EHBP1: variants seen among roughly 807,000 people sequenced by gnomAD.
The protein encoded by EHBP1 is EH domain binding protein 1.
A neutral mutation model predicts 144.0 loss-of-function variants in EHBP1; 55 were observed. The observed-to-expected ratio is 0.38, with a 90% CI of 0.31 to 0.48. The LOEUF (loss-of-function observed/expected upper bound fraction) is 0.48. EHBP1 is among the 20% of genes least tolerant of loss of function. The pLI is 0.98. For synonymous variants in EHBP1, 469 were observed against 472.7 expected (o/e 0.99, Z 0.10); for missense variants, 1,200 against 1,364.2 (o/e 0.88, Z 1.90).
chr2:62,695,838 A>G (rs1235809845), intron 1 of EHBP1, among the ~76,000 whole-genome samples: 7 of 152,002 alleles, frequency 4.6e-5, no homozygotes, highest in South Asian at 4.1e-4. Context: ...CCAGCCTTCC[A>G]AGTAGCTGGG....
At chr2:62,804,238 A>G (rs755640458) in intron 5 of EHBP1, among the ~76,000 whole-genome samples, 21 of 152,214 alleles carry the variant, frequency 1.4e-4, no homozygotes, top group Non-Finnish European at 2.8e-4. Flanking sequence ...CAGTGCTGCA[A>G]AGAGCTTTGC....
chr2:63,035,583 T>G (rs576093422), intron 19 of EHBP1, among the ~76,000 whole-genome samples: 1 of 152,154 alleles, frequency 6.6e-6, no homozygotes, highest in South Asian at 2.1e-4. Flanking sequence ...AAACCTCAAA[T>G]TATAGGTTAA....
At chr2:62,751,246 T>G (rs914444250) in intron 3 of EHBP1, among the ~76,000 whole-genome samples, 3 of 152,232 alleles carry the variant, frequency 2.0e-5, no homozygotes, top group African/African-American at 7.2e-5. Flanking sequence ...GATAATCATG[T>G]GGTTTTTGTC....
intron 21 of EHBP1, among the ~76,000 whole-genome samples, chr2:63,039,308 TA>T (rs199563465): frequency 0.021 from 3,207 of 152,312 alleles, 48 homozygotes; most frequent in Admixed American, 0.038. Flanking sequence ...GCATAAAAGA[TA>T]AATGAAACAG....
At position 62,790,783 on chromosome 2, in the gene EHBP1, T is replaced by A. The variant is rs577003164; in HGVS notation, c.312+19391T>A. On this transcript the variant is annotated intron_variant, in intron 5 of 22. Coordinates refer to ENST00000431489, the MANE Select transcript of EHBP1 (RefSeq NM_001142616.3). ...GTACCCATCAATGAAATATCCTGTT[T>A]TGTAGATGTTAGTGTTTATACCATT... Among the ~76,000 whole-genome samples the A allele has an allele frequency of 3.3e-5, 5 of 152,234 alleles. No individual in the cohort carries two copies. The South Asian group carries it at 1.0e-3, about 32-fold the overall frequency.
At chr2:62,725,562 T>C (rs186145844) in intron 2 of EHBP1, among the ~76,000 whole-genome samples, 1 of 152,242 alleles carries the variant, frequency 6.6e-6, no homozygotes, top group African/African-American at 2.4e-5. Flanking sequence ...AGTCTGCTGT[T>C]TTCTGCCTGG....
chr2:62,845,428 G>A (rs1205985206), intron 7 of EHBP1, among the ~76,000 whole-genome samples: 1 of 152,186 alleles, frequency 6.6e-6, no homozygotes, highest in African/African-American at 2.4e-5. Flanking sequence ...TAACAGCACA[G>A]ATGGTAGTAG....
chr2:62,934,412 A>G (rs192119086), intron 10 of EHBP1, among the ~76,000 whole-genome samples: 6 of 152,234 alleles, frequency 3.9e-5, no homozygotes, highest in Admixed American at 1.3e-4. Context: ...TTTCCTATTG[A>G]TTAACTTTCC....
intron 20 of EHBP1, among the ~76,000 whole-genome samples, chr2:63,038,027 A>C (rs2061514693): frequency 1.3e-5 from 2 of 152,148 alleles, no homozygotes; most frequent in African/African-American, 4.8e-5. Flanking sequence ...TTATAGTCTC[A>C]GGTGATGTTA....
intron 1 of EHBP1, among the ~76,000 whole-genome samples, chr2:62,686,164 AGT>A (rs1227829611): frequency 6.6e-6 from 1 of 152,178 alleles, no homozygotes; most frequent in African/African-American, 2.4e-5. Context: ...CCACTTGCCC[AGT>A]GTGAGTGAGG....
At chr2:62,790,707 G>A (rs985222423) in intron 5 of EHBP1, among the ~76,000 whole-genome samples, 3 of 152,038 alleles carry the variant, frequency 2.0e-5, no homozygotes, top group African/African-American at 7.2e-5. Context: ...TAATTCTCTT[G>A]TTACTTTATA....
chr2:62,780,133 G>T (rs1196846265), intron 5 of EHBP1, among the ~76,000 whole-genome samples: 1 of 151,704 alleles, frequency 6.6e-6, no homozygotes, highest in East Asian at 1.9e-4. Flanking sequence ...GACCTGTTAG[G>T]CTGCACATTC....
chr2:62,907,980 A>ATTC (rs2053932526), intron 10 of EHBP1, among the ~76,000 whole-genome samples: 1 of 152,192 alleles, frequency 6.6e-6, no homozygotes, highest in Non-Finnish European at 1.5e-5. Flanking sequence ...GTCACACGAG[A>ATTC]AGAAAGGAAA....
intron 8 of EHBP1, among the ~76,000 whole-genome samples, chr2:62,863,711 G>A (rs1276066164): frequency 6.6e-6 from 1 of 151,892 alleles, no homozygotes; most frequent in African/African-American, 2.4e-5. Flanking sequence ...ATACGACACA[G>A]GACAGAATGA....
chr2:63,001,203 A>G (rs778544883), intron 19 of EHBP1, among the ~76,000 whole-genome samples: 2 of 152,118 alleles, frequency 1.3e-5, no homozygotes, highest in Non-Finnish European at 2.9e-5. Flanking sequence ...ACAGTGTTTT[A>G]TTTACATTTT....
Position 62,952,600 on chromosome 2 carries a change from A to G in EHBP1, c.2317-2917A>G, listed in dbSNP as rs146147945. On this transcript the variant is annotated intron_variant, in intron 13 of 22. Coordinates refer to ENST00000431489, the MANE Select transcript of EHBP1 (RefSeq NM_001142616.3). The stretch of plus-strand genomic sequence containing the variant: ...GATGACAGTTATATATCTTACACCT[A>G]TCTCTTAGACTTTACAACTCATAAG... Among the ~76,000 whole-genome samples, 290 of 152,318 alleles carry G rather than the reference A, an allele frequency of 1.9e-3. 1 individual carries two copies. The highest frequency in any genetic ancestry group is 5.7e-3 in the African/African-American group (238 of 41,580).
intron 3 of EHBP1, among the ~76,000 whole-genome samples, chr2:62,756,251 G>A (rs1441259350): frequency 6.6e-6 from 1 of 151,848 alleles, no homozygotes; most frequent in East Asian, 1.9e-4. Context: ...ATCAAACATT[G>A]TTTGAATCCA....
rs144741350 is a variant in EHBP1, at chr2:62,734,049, G to A, written c.105-13346G>A. The stretch of plus-strand genomic sequence containing the variant: ...TTTGTTTGTTTTTTTATGTTGTGGG[G>A]CTATATAGAAGTGACAGCTTCCAGG... On this transcript the variant is annotated intron_variant, in intron 2 of 22. Transcript: ENST00000431489. Among the ~76,000 whole-genome samples the A allele has an allele frequency of 7.1e-3, 1,078 of 152,220 alleles. 8 individuals carry two copies. Among genetic ancestry groups the A allele is most frequent in the Middle Eastern group, 0.024 (7 of 294 alleles).
chr2:62,837,854 C>G (rs1298714595), intron 7 of EHBP1, among the ~76,000 whole-genome samples: 2 of 150,970 alleles, frequency 1.3e-5, no homozygotes, highest in African/African-American at 4.9e-5. Context: ...TCCTGAGTGA[C>G]CTACAAAGAG....
Sources: allele counts gnomAD v4.1 joint callset (sites outside exome capture counted in the v4.1 genomes callset), GRCh38; gene constraint gnomAD v4.1.1; transcripts MANE v1.5; gene names NCBI Gene and HGNC (gene_info 2026-07-23, HGNC 2026-07-21).